The following CCDC7 variants were observed in gnomAD, a reference collection of about 807,000 sequenced individuals.
CCDC7 encodes the protein coiled-coil domain-containing protein 7.
In CCDC7, 183 loss-of-function variants were observed where a neutral mutation model predicts 196.9. The observed-to-expected ratio is 0.93, with a 90% CI of 0.82 to 1.05. The LOEUF (loss-of-function observed/expected upper bound fraction) is 1.05, where lower values mean the gene tolerates loss of function less well. Ranked by LOEUF, CCDC7 falls within the 50% of genes least tolerant of loss-of-function variation. The pLI, the probability that CCDC7 is intolerant of heterozygous loss-of-function variation, is 0.00. For missense variants in CCDC7, 1,540 were observed against 1,482.2 expected, an observed-to-expected ratio of 1.04 and a Z score of -0.64; for synonymous variants, 525 against 484.6, an observed-to-expected ratio of 1.08 and a Z score of -1.10.
intron 11 of CCDC7, among the ~76,000 whole-genome samples, chr10:32,523,722 T>C: frequency 6.7e-6 from 1 of 148,588 alleles, no homozygotes; most frequent in East Asian, 2.0e-4. Context: ...TTTGTCATTA[T>C]ATAATGACCT....
At chr10:32,848,796 T>C (rs2093417782) in intron 39 of CCDC7, 78 bp downstream of exon 40, 2 of 1,106,332 alleles carry the variant, frequency 1.8e-6, no homozygotes, top group Admixed American at 2.4e-5. Flanking sequence ...TTTCATTTAC[T>C]CTTTTTGCAT....
chr10:32,456,492 T>A, intron 3 of CCDC7, 158 bp downstream of exon 4: 1 of 501,492 alleles, frequency 2.0e-6, no homozygotes, highest in Non-Finnish European at 3.0e-6. Flanking sequence ...TTTTTTATTC[T>A]TTTTTTTTAA....
intron 16 of CCDC7, among the ~76,000 whole-genome samples, chr10:32,577,112 C>T (rs1439143643): frequency 6.6e-6 from 1 of 152,116 alleles, no homozygotes; most frequent in Non-Finnish European, 1.5e-5. Context: ...CCTGTAATCC[C>T]AGCATTTTGG....
At chr10:32,670,943 G>T (rs1211031397) in intron 21 of CCDC7, among the ~76,000 whole-genome samples, 1 of 151,906 alleles carries the variant, frequency 6.6e-6, no homozygotes, top group Admixed American at 6.6e-5. Flanking sequence ...TGGGCTTTTA[G>T]TTCTATAAAT....
chr10:32,873,307 T>G (rs2094494629), intron 41 of CCDC7, among the ~76,000 whole-genome samples: 1 of 152,116 alleles, frequency 6.6e-6, no homozygotes, highest in African/African-American at 2.4e-5. Context: ...ATTGATACCC[T>G]TTCTTCCAGT....
chr10:32,876,472 C>A (rs573809952), downstream of CCDC7: 34 of 1,369,420 alleles, frequency 2.5e-5, no homozygotes, highest in East Asian at 7.6e-4. Context: ...GTATAGAAGC[C>A]TTTTGAAAAT....
intron 39 of CCDC7, among the ~76,000 whole-genome samples, chr10:32,850,086 G>A (rs2093489522): frequency 6.6e-6 from 1 of 152,134 alleles, no homozygotes; most frequent in Admixed American, 6.6e-5. Context: ...AACAATACCA[G>A]GATGTTCTTC....
intron 18 of CCDC7, among the ~76,000 whole-genome samples, chr10:32,618,199 A>G (rs1363054712): frequency 4.6e-5 from 7 of 152,016 alleles, no homozygotes; most frequent in African/African-American, 1.7e-4. Context: ...GCCAATCTCT[A>G]TCTTTTAAGT....
rs1389766192 is a variant in CCDC7 at position 32,805,084 on chromosome 10, CAA to C, written c.3085_3086del (p.Lys1029GlufsTer6). The C allele has an allele frequency of 5.0e-6, 8 of 1,608,872 alleles. No individual in the cohort carries two copies. Among genetic ancestry groups the C allele is most frequent in the African/African-American group, 1.3e-5 (1 of 74,796 alleles). ...TTAAATGATGAATTCAAGACACAGTCAAAGAGTTTCCCTGGTAAGAAAATATT... is the reference window on the plus strand; with the variant it reads ...TTAAATGATGAATTCAAGACACAGTCAGAGTTTCCCTGGTAAGAAAATATT... On this transcript the variant is annotated frameshift_variant, in exon 30 of 42. Transcript: ENST00000639629. LOFTEE classifies it high-confidence loss of function.
intron 18 of CCDC7, among the ~76,000 whole-genome samples, chr10:32,591,452 G>A: frequency 6.6e-6 from 1 of 151,832 alleles, no homozygotes; most frequent in Non-Finnish European, 1.5e-5. Context: ...AGGATTATTG[G>A]CATCAAAATG....
At chr10:32,754,803 C>G (rs2076159675) in intron 28 of CCDC7, among the ~76,000 whole-genome samples, 1 of 152,126 alleles carries the variant, frequency 6.6e-6, no homozygotes, top group South Asian at 2.1e-4. Context: ...AGAGTGTGAG[C>G]TGAAGCAGGG....
intron 29 of CCDC7, among the ~76,000 whole-genome samples, chr10:32,800,484 T>C (rs2084555953): frequency 6.6e-6 from 1 of 152,118 alleles, no homozygotes; most frequent in Non-Finnish European, 1.5e-5. Context: ...AAAACTCCAT[T>C]AATTACCTGA....
chr10:32,702,137 G>A (rs1012613691), intron 24 of CCDC7, among the ~76,000 whole-genome samples: 1 of 151,958 alleles, frequency 6.6e-6, no homozygotes, highest in Non-Finnish European at 1.5e-5. Flanking sequence ...GATTTTTCCT[G>A]CTTTCTCTTG....
At chr10:32,726,747 T>C (rs368264729) in exon 26 of CCDC7, 27 of 1,589,744 alleles carry the variant, frequency 1.7e-5, no homozygotes, top group Middle Eastern at 1.7e-4. Context: ...CAGATAAAAA[T>C]TCTATGTTTG....
intron 24 of CCDC7, among the ~76,000 whole-genome samples, chr10:32,702,360 T>C (rs2078907035): frequency 6.6e-6 from 1 of 152,212 alleles, no homozygotes. Context: ...TGAGTTCTAG[T>C]TTGATTGCAC....
At chr10:32,533,334 A>T (rs923648335) in intron 11 of CCDC7, among the ~76,000 whole-genome samples, 1 of 151,206 alleles carries the variant, frequency 6.6e-6, no homozygotes, top group Non-Finnish European at 1.5e-5. Context: ...CAATTTATGT[A>T]TTTTATATTA....
chr10:32,738,473 C>CTTTTT (rs33944221), intron 28 of CCDC7, among the ~76,000 whole-genome samples: 9,009 of 109,424 alleles, frequency 0.082, 504 homozygotes, highest in South Asian at 0.2. Context: ...GTTTCTTTCA[C>CTTTTT]TTTTTTTTTT....
At chr10:32,582,106 C>CCATATATATA (rs1249623292) in intron 16 of CCDC7, among the ~76,000 whole-genome samples, 1 of 103,750 alleles carries the variant, frequency 9.6e-6, no homozygotes, top group African/African-American at 3.2e-5. Context: ...ACTGTCAGCA[C>CCATATATATA]TATATATATA....
chr10:32,489,937 T>C (rs2041894230), intron 8 of CCDC7, among the ~76,000 whole-genome samples: 1 of 152,060 alleles, frequency 6.6e-6, no homozygotes. Context: ...TGGTTCCTTC[T>C]TGGTGGTGGA....
Sources: gnomAD v4.1 joint callset for allele counts (sites outside exome capture counted in the v4.1 genomes callset) on GRCh38, gnomAD v4.1.1 for gene constraint, MANE v1.5 for transcripts, NCBI Gene and HGNC (gene_info 2026-07-23, HGNC 2026-07-21) for gene names.